Variants in SUPT3H observed in about 807,000 individuals in gnomAD.
SUPT3H encodes transcription initiation protein SPT3 homolog.
A neutral mutation model predicts 44.3 loss-of-function variants in SUPT3H; 44 were observed. That is an observed-to-expected ratio of 0.99 (90% CI 0.78 to 1.28). The LOEUF is 1.28. SUPT3H is among the 50% of genes most tolerant of loss of function. The probability of loss-of-function intolerance (pLI) is 0.00; values close to 1 mark genes in which losing one functional copy is unlikely to be tolerated. For synonymous variants in SUPT3H, 124 were observed against 125.6 expected (o/e 0.99, Z 0.09); for missense variants, 380 against 387.1 (o/e 0.98, Z 0.15).
intron 3 of SUPT3H, among the ~76,000 whole-genome samples, chr6:45,059,589 C>T (rs1583301632): frequency 6.6e-6 from 1 of 151,938 alleles, no homozygotes; most frequent in African/African-American, 2.4e-5. Flanking sequence ...ATGGTCAGGG[C>T]AATCAGGCAA....
intron 11 of SUPT3H, among the ~76,000 whole-genome samples, chr6:44,813,369 A>G (rs1766670804): frequency 6.6e-6 from 1 of 152,000 alleles, no homozygotes; most frequent in South Asian, 2.1e-4. Flanking sequence ...TTATTTTTGT[A>G]GCGATGGGGT....
chr6:45,352,282 T>G (rs1332345544), intron 2 of SUPT3H, among the ~76,000 whole-genome samples: 1 of 152,020 alleles, frequency 6.6e-6, no homozygotes. Flanking sequence ...AACCAAGGAG[T>G]AAGCAAACCC....
chr6:44,810,063 C>T (rs1196790939), intron 11 of SUPT3H, among the ~76,000 whole-genome samples: 1 of 152,162 alleles, frequency 6.6e-6, no homozygotes, highest in South Asian at 2.1e-4. Context: ...GGGTCCAAAC[C>T]GAGTATACTT....
chr6:45,043,676 A>G (rs556707773), intron 3 of SUPT3H, among the ~76,000 whole-genome samples: 7 of 152,200 alleles, frequency 4.6e-5, no homozygotes, highest in Non-Finnish European at 8.8e-5. Flanking sequence ...TTATTCTACT[A>G]TGGAAGACTA....
chr6:45,224,073 T>C (rs1766501512), intron 2 of SUPT3H, among the ~76,000 whole-genome samples: 1 of 150,038 alleles, frequency 6.7e-6, no homozygotes, highest in African/African-American at 2.4e-5. Context: ...AAAAATTCCA[T>C]AAAGAACCAA....
At chr6:45,299,542 T>G (rs1781812939) in intron 2 of SUPT3H, among the ~76,000 whole-genome samples, 1 of 152,138 alleles carries the variant, frequency 6.6e-6, no homozygotes, top group Admixed American at 6.5e-5. Flanking sequence ...ATGAAAATGC[T>G]GTAATATCCA....
intron 10 of SUPT3H, among the ~76,000 whole-genome samples, chr6:44,928,228 A>C (rs879575653): frequency 6.6e-6 from 1 of 152,190 alleles, no homozygotes; most frequent in Non-Finnish European, 1.5e-5. Context: ...ATGAATAAAA[A>C]TGCAATATAA....
chr6:44,959,401 A>G (rs911240843), intron 7 of SUPT3H, among the ~76,000 whole-genome samples: 9 of 152,172 alleles, frequency 5.9e-5, no homozygotes, highest in Admixed American at 3.9e-4. Flanking sequence ...CATATACAAT[A>G]TCAGTAATTA....
chr6:44,813,253 A>G (rs973823274), intron 11 of SUPT3H, among the ~76,000 whole-genome samples: 4 of 152,182 alleles, frequency 2.6e-5, no homozygotes, highest in Admixed American at 2.0e-4. Context: ...TGGTGCAATC[A>G]TAACTCACAG....
rs563304174 is a variant in SUPT3H, at chr6:45,170,998, T to A, written c.102-64992A>T. Among the ~76,000 whole-genome samples, 8 of 152,334 alleles carry A rather than the reference T, an allele frequency of 5.3e-5. No individual in the cohort carries two copies. In the East Asian group the frequency reaches 1.3e-3, roughly 26 times the overall value. On this transcript the variant is annotated intron_variant, in intron 2 of 10. Coordinates refer to ENST00000371459, the MANE Select transcript of SUPT3H (RefSeq NM_003599.4). ...AAACGTCTTAGTGATATCAAAATGCTATGATACAGGCAAGTCAAGTAAGCT... is the reference window on the plus strand; with the variant it reads ...AAACGTCTTAGTGATATCAAAATGCAATGATACAGGCAAGTCAAGTAAGCT...
At chr6:44,813,145 C>T (rs1766649715) in intron 11 of SUPT3H, among the ~76,000 whole-genome samples, 1 of 152,088 alleles carries the variant, frequency 6.6e-6, no homozygotes, top group Non-Finnish European at 1.5e-5. Context: ...AACTGTACCC[C>T]ATCTGCCTGC....
chr6:44,950,470 C>G (rs749789921), intron 9 of SUPT3H, among the ~76,000 whole-genome samples: 2 of 152,060 alleles, frequency 1.3e-5, no homozygotes, highest in Non-Finnish European at 2.9e-5. Context: ...AAAAAATAGC[C>G]GAGCATAGTG....
chr6:44,825,993 A>G (rs1767716658), downstream of SUPT3H, among the ~76,000 whole-genome samples: 1 of 152,214 alleles, frequency 6.6e-6, no homozygotes, highest in Non-Finnish European at 1.5e-5. Flanking sequence ...CAAAACTTCC[A>G]TGACTTATGA....
At chr6:45,260,396 G>A (rs912351026) in intron 2 of SUPT3H, among the ~76,000 whole-genome samples, 14 of 146,146 alleles carry the variant, frequency 9.6e-5, no homozygotes, top group South Asian at 4.5e-4. Flanking sequence ...AGCTGCCACC[G>A]TCACTGCATT....
intron 2 of SUPT3H, among the ~76,000 whole-genome samples, chr6:45,341,891 GATGT>G (rs956940291): frequency 6.6e-6 from 1 of 152,068 alleles, no homozygotes; most frequent in Admixed American, 6.5e-5. Flanking sequence ...CCACTAAAAA[GATGT>G]ATGAAGATAG....
At chr6:44,936,095 G>T (rs1184471196) in intron 9 of SUPT3H, among the ~76,000 whole-genome samples, 1 of 148,654 alleles carries the variant, frequency 6.7e-6, no homozygotes, top group African/African-American at 2.4e-5. Flanking sequence ...TGAAAGTCTA[G>T]TACTACTATT....
chr6:45,019,526 C>A (rs1475310606), intron 4 of SUPT3H, among the ~76,000 whole-genome samples: 1 of 151,826 alleles, frequency 6.6e-6, no homozygotes, highest in Admixed American at 6.6e-5. Context: ...TTTAAAGTAA[C>A]TGATAATCCT....
At chr6:44,932,797 T>C (rs767950157) in intron 9 of SUPT3H, 34 bp from the exon 10 acceptor site, 6 of 1,418,968 alleles carry the variant, frequency 4.2e-6, no homozygotes, top group Non-Finnish European at 5.8e-6. Flanking sequence ...TGTTACTAAA[T>C]CAAAAACACG....
At chr6:45,162,708 A>G (rs1809214223) in intron 2 of SUPT3H, among the ~76,000 whole-genome samples, 1 of 152,192 alleles carries the variant, frequency 6.6e-6, no homozygotes, top group East Asian at 1.9e-4. Context: ...GGAGACAGCC[A>G]AGAAGAGACT....
Sources: allele counts gnomAD v4.1 joint callset (sites outside exome capture counted in the v4.1 genomes callset), GRCh38; gene constraint gnomAD v4.1.1; transcripts MANE v1.5; gene names NCBI Gene and HGNC (gene_info 2026-07-23, HGNC 2026-07-21).